Variants in DET1 observed in about 807,000 individuals in gnomAD.
DET1 encodes DET1 partner of COP1 E3 ubiquitin ligase, also known as DET1 homolog.
DET1 carries 22 observed loss-of-function variants against 43.7 expected under a neutral mutation model. That is an observed-to-expected ratio of 0.50 (90% CI 0.36 to 0.72). DET1 has a LOEUF of 0.72. DET1 is among the 30% of genes least tolerant of loss of function. The probability of loss-of-function intolerance (pLI) is 0.00; values close to 1 mark genes in which losing one functional copy is unlikely to be tolerated. For synonymous variants in DET1, 315 were observed against 266.2 expected, an observed-to-expected ratio of 1.18 and a Z score of -1.79; for missense variants, 713 against 713.3, an observed-to-expected ratio of 1.00 and a Z score of 0.00.
chr15:88,531,066 C>T lies in DET1; in HGVS notation c.640G>A (p.Val214Met). The T allele has an allele frequency of 6.2e-7, 1 of 1,613,854 alleles. No homozygotes were observed. Among genetic ancestry groups the T allele is most frequent in the Non-Finnish European group, 8.5e-7 (1 of 1,179,822 alleles). Residue 214 changes from valine to methionine, a missense_variant, in exon 2 of 5, where the codon GTG becomes ATG. Physicochemically the swap from Val to Met is conservative, Grantham distance 21. Transcript: ENST00000268148. This position sits in a 1 kb window ranked among gnomAD's most constrained non-coding sequence, Gnocchi z 6.2. ...AGCCCTTGGTTGTGTGACAAGACCA[C>T]CTTGTCACACTTGAACGTGCGTGTA... Reference protein sequence around the residue: ...CDTRTFKCDKVVLSHNQGLYL... With the variant: ...CDTRTFKCDKMVLSHNQGLYL...
chr15:88,529,146 T>A (rs974003566), intron 2 of DET1, among the ~76,000 whole-genome samples: 1 of 152,194 alleles, frequency 6.6e-6, no homozygotes, highest in African/African-American at 2.4e-5. Flanking sequence ...AAGAAAAGGA[T>A]AATCTCAAAG....
At chr15:88,534,081 A>G (rs1032522063) in intron 1 of DET1, among the ~76,000 whole-genome samples, 12 of 152,130 alleles carry the variant, frequency 7.9e-5, no homozygotes, top group African/African-American at 2.4e-4. Flanking sequence ...CTGTACACTT[A>G]CAATCAGTTA....
downstream of DET1, among the ~76,000 whole-genome samples, chr15:88,509,126 A>T (rs2056171273): frequency 1.3e-5 from 2 of 152,240 alleles, no homozygotes; most frequent in Admixed American, 1.3e-4. Flanking sequence ...TATTTCTGCC[A>T]AGTGGCAAGA....
At chr15:88,519,135 G>C (rs2056423444) in intron 3 of DET1, among the ~76,000 whole-genome samples, 1 of 152,120 alleles carries the variant, frequency 6.6e-6, no homozygotes, top group Non-Finnish European at 1.5e-5. Flanking sequence ...ACAGCTTTGT[G>C]ATGACCACAA....
At position 88,531,343 on chromosome 15, in the gene DET1, A is replaced by G. The variant is rs2056809168; in HGVS notation, c.363T>C (p.Phe121=). The change falls in exon 2 of 5, where the codon TTT becomes TTC. Residue 121 remains phenylalanine (F), a synonymous_variant. Coordinates refer to ENST00000268148, the MANE Select transcript of DET1 (RefSeq NM_001144074.3). The surrounding 1 kb of genome is among the most constrained non-coding windows in gnomAD (Gnocchi z 6.2). ...QRSVNIRGRL[F]ERFFVLLHIT... is the part of the protein sequence containing the mutation. ...TGTGCAGCAGGACAAAAAAGCGTTC[A>G]AAGAGCCGGCCCCGGATATTCACTG... The G allele has an allele frequency of 1.2e-6, 2 of 1,613,890 alleles. No homozygotes were observed. The highest frequency in any genetic ancestry group is 8.5e-7 in the Non-Finnish European group (1 of 1,179,898).
chr15:88,529,665 C>A (rs949949564), intron 2 of DET1, among the ~76,000 whole-genome samples: 1 of 152,132 alleles, frequency 6.6e-6, no homozygotes, highest in South Asian at 2.1e-4. Context: ...TAAGAGATAC[C>A]AAACTCAGTT....
At chr15:88,530,050 C>T (rs919633966) in intron 2 of DET1, among the ~76,000 whole-genome samples, 1 of 152,246 alleles carries the variant, frequency 6.6e-6, no homozygotes, top group African/African-American at 2.4e-5. Context: ...CACTGCTCTA[C>T]AACCTATGTC....
rs755568941 is a variant in DET1 at position 88,527,643 on chromosome 15, G to A, written c.1227C>T (p.Pro409=). The A allele has an allele frequency of 1.9e-6, 3 of 1,612,176 alleles. No homozygotes were observed. The highest frequency in any genetic ancestry group is 2.2e-5 in the South Asian group (2 of 90,778). The change falls in exon 3 of 5, where the codon CCC becomes CCT. Residue 409 remains proline, a synonymous_variant. Coordinates refer to ENST00000268148, the MANE Select transcript of DET1 (RefSeq NM_001144074.3). ...CAAAATTGTTGCTAGAAGCTGAGCA[G>A]GGAAACTGAACTTCACTGTGCAGGG... The part of the protein sequence containing the change: ...NATLHSEVQF[P]CSASSNNFAR...
At position 88,513,026 on chromosome 15, in the gene DET1, C is replaced by T. The variant is rs752187164; in HGVS notation, c.1578G>A (p.Glu526=). The change falls in exon 5 of 5, where the codon GAG becomes GAA. Residue 526 remains glutamate, a synonymous_variant. Coordinates refer to ENST00000268148, the MANE Select transcript of DET1 (RefSeq NM_001144074.3). ...TCCTCTGCACAGAAATAGCGAAAGGCTCAAAAGGGTGAAAGGTGAAGGCAA... is the reference window on the plus strand; with the variant it reads ...TCCTCTGCACAGAAATAGCGAAAGGTTCAAAAGGGTGAAAGGTGAAGGCAA... ...RLVAFTFHPF[E]PFAISVQRTN... 1.6e-5 allele frequency: 26 copies of T among 1,613,922 alleles called. No homozygotes were observed. Among genetic ancestry groups the T allele is most frequent in the Non-Finnish European group, 2.1e-5 (25 of 1,179,900 alleles).
At chr15:88,524,418 T>G (rs1330764508) in intron 3 of DET1, among the ~76,000 whole-genome samples, 1 of 152,136 alleles carries the variant, frequency 6.6e-6, no homozygotes. Flanking sequence ...GTCTGGGAAG[T>G]GAGGAGCCCC....
At chr15:88,518,105 AT>A (rs11327620) in intron 3 of DET1, among the ~76,000 whole-genome samples, 28,513 of 133,240 alleles carry the variant, frequency 0.21, 3,275 homozygotes, top group African/African-American at 0.38. Context: ...CACCCAGCTA[AT>A]TTTTTTTTTT....
chr15:88,535,087 C>A (rs1317619472), intron 1 of DET1, among the ~76,000 whole-genome samples: 1 of 152,252 alleles, frequency 6.6e-6, no homozygotes, highest in East Asian at 1.9e-4. Flanking sequence ...AACAAAGTCT[C>A]AGCTAAGAAA....
downstream of DET1, chr15:88,511,542 T>C: frequency 2.0e-6 from 2 of 985,538 alleles, no homozygotes; most frequent in Non-Finnish European, 2.4e-6. Context: ...TCTTCCACAG[T>C]ATATTTTTCT....
Position 88,512,906 on chromosome 15 carries a change from T to G in DET1, c.*45A>C. On this transcript the variant is annotated 3_prime_UTR_variant, in exon 5 of 5. Transcript: ENST00000268148. ...TTTGGAGTCCACTGAGATAAGTGAG[T>G]GGCAAAGTCTTGGAAGACCAGATAA... 1 of 1,594,660 alleles carries G rather than the reference T, an allele frequency of 6.3e-7. No individual in the cohort carries two copies.
At chr15:88,517,224 GTTT>G (rs397854316) in intron 3 of DET1, among the ~76,000 whole-genome samples, 12 of 129,608 alleles carry the variant, frequency 9.3e-5, no homozygotes, top group Admixed American at 2.4e-4. Context: ...TGGGTTTTGG[GTTT>G]TTTTTTTTTT....
chr15:88,536,246 A>G (rs921296056), intron 1 of DET1: 3 of 730,258 alleles, frequency 4.1e-6, no homozygotes, highest in Admixed American at 4.0e-5. Context: ...GTCTGCCCAC[A>G]TGAATTTACT....
intron 3 of DET1, among the ~76,000 whole-genome samples, chr15:88,524,077 G>A (rs999669850): frequency 6.8e-5 from 10 of 147,560 alleles, no homozygotes; most frequent in East Asian, 2.1e-4. Flanking sequence ...TGTGGGGAGC[G>A]CTTCTGCCCC....
At chr15:88,513,924 C>T (rs1457579892) in intron 4 of DET1, among the ~76,000 whole-genome samples, 3 of 149,292 alleles carry the variant, frequency 2.0e-5, no homozygotes, top group South Asian at 2.1e-4. Flanking sequence ...CTCAGCCTCC[C>T]GAGTAGCTGG....
chr15:88,526,802 T>C (rs1490648381), intron 3 of DET1, among the ~76,000 whole-genome samples: 1 of 152,168 alleles, frequency 6.6e-6, no homozygotes, highest in Non-Finnish European at 1.5e-5. Flanking sequence ...TTTGCAGAGG[T>C]AAAAGAAGAG....
Sources: allele counts gnomAD v4.1 joint callset (sites outside exome capture counted in the v4.1 genomes callset), GRCh38; gene constraint gnomAD v4.1.1; non-coding constraint Gnocchi (gnomAD v3.1); transcripts MANE v1.5; gene names NCBI Gene and HGNC (gene_info 2026-07-23, HGNC 2026-07-21).